The following MELK variants were observed in gnomAD, a reference collection of about 807,000 sequenced individuals.
MELK encodes the protein pEg3 kinase.
In MELK, 81 loss-of-function variants were observed where a neutral mutation model predicts 85.0. The observed-to-expected ratio is 0.95, with a 90% CI of 0.80 to 1.15. The LOEUF is 1.15. Ranked by LOEUF, MELK falls within the 50% of genes most tolerant of loss-of-function variation. The probability of loss-of-function intolerance (pLI) is 0.00; values close to 1 mark genes in which losing one functional copy is unlikely to be tolerated. For missense variants in MELK, 754 were observed against 777.5 expected (o/e 0.97, Z 0.36); for synonymous variants, 252 against 265.0 (o/e 0.95, Z 0.48).
intron 1 of MELK, among the ~76,000 whole-genome samples, chr9:36,575,460 A>G (rs895494484): frequency 2.6e-5 from 4 of 152,230 alleles, no homozygotes; most frequent in Non-Finnish European, 5.9e-5. Context: ...AGGAGTTTGT[A>G]ATGTAAGCAC....
At chr9:36,628,296 T>C (rs1431053037) in intron 8 of MELK, among the ~76,000 whole-genome samples, 1 of 152,194 alleles carries the variant, frequency 6.6e-6, no homozygotes, top group Non-Finnish European at 1.5e-5. Context: ...CTGGGCTCCA[T>C]GCCTATCCCT....
intron 7 of MELK, among the ~76,000 whole-genome samples, chr9:36,604,390 T>C (rs976100014): frequency 6.0e-5 from 9 of 149,136 alleles, no homozygotes; most frequent in Admixed American, 2.0e-4. Flanking sequence ...GCGATTCTCA[T>C]TGGGTTCAGG....
chr9:36,615,417 G>GACGGC (rs1426755694), intron 8 of MELK, among the ~76,000 whole-genome samples: 1 of 139,500 alleles, frequency 7.2e-6, no homozygotes, highest in Non-Finnish European at 1.5e-5. Flanking sequence ...CTCCCTCCCG[G>GACGGC]ACGGCACGGC....
chr9:36,644,991 G>A (rs1222264426), intron 11 of MELK, among the ~76,000 whole-genome samples: 3 of 152,074 alleles, frequency 2.0e-5, no homozygotes, highest in African/African-American at 4.8e-5. Flanking sequence ...TACTTAAGCC[G>A]GGCGCGGTGG....
intron 5 of MELK, 72 bp downstream of exon 5, chr9:36,594,843 A>G: frequency 2.0e-6 from 3 of 1,509,008 alleles, no homozygotes; most frequent in Non-Finnish European, 2.7e-6. Context: ...TTTACAAATG[A>G]TCTGATTAGG....
At chr9:36,617,378 G>A (rs978796899) in intron 8 of MELK, among the ~76,000 whole-genome samples, 1 of 151,470 alleles carries the variant, frequency 6.6e-6, no homozygotes, top group Non-Finnish European at 1.5e-5. Context: ...TGTCACCCAG[G>A]CTGGAGTGCA....
intron 13 of MELK, among the ~76,000 whole-genome samples, chr9:36,663,798 C>G (rs1263802945): frequency 6.6e-6 from 1 of 152,160 alleles, no homozygotes. Flanking sequence ...TGTTGATGGA[C>G]ACTTGGGTTG....
chr9:36,669,418 GT>G lies in MELK; in HGVS notation c.1505+19del. 2.6e-6 allele frequency: 4 copies of G among 1,559,692 alleles called. No individual in the cohort carries two copies. Among genetic ancestry groups the G allele is most frequent in the South Asian group, 1.2e-5 (1 of 84,390 alleles). ...AGCCCTGAGAGGCGGTAAGTGTTTG[GT>G]TTTTTTAGACTCTAATCTTTAGTAT... On this transcript the variant is annotated intron_variant, in intron 15 of 17. Coordinates refer to ENST00000298048, the MANE Select transcript of MELK (RefSeq NM_014791.4).
chr9:36,636,609 C>T (rs1445743210), intron 10 of MELK, among the ~76,000 whole-genome samples: 2 of 152,144 alleles, frequency 1.3e-5, no homozygotes, highest in African/African-American at 2.4e-5. Flanking sequence ...TACCTGGGGT[C>T]GTGGCTACAG....
In MELK at chr9:36,587,186, C is replaced by G. The variant is rs1325339193; in HGVS notation, c.145-2350C>G. Among the ~76,000 whole-genome samples the G allele has an allele frequency of 2.0e-5, 3 of 151,716 alleles. No individual in the cohort carries two copies. In the East Asian group the frequency reaches 5.8e-4, roughly 29 times the overall value. ...GGTTTTAGTCATCAGGCTTCCTCCC[C>G]ACAAAGAAAGAAGATTATCATACCA... On this transcript the variant is annotated intron_variant, in intron 3 of 17. Coordinates refer to ENST00000298048, the MANE Select transcript of MELK (RefSeq NM_014791.4).
intron 13 of MELK, among the ~76,000 whole-genome samples, chr9:36,658,673 C>T (rs989817159): frequency 6.6e-6 from 1 of 151,642 alleles, no homozygotes; most frequent in African/African-American, 2.4e-5. Context: ...TTGTTTTTCT[C>T]GTGTATATGG....
intron 11 of MELK, among the ~76,000 whole-genome samples, chr9:36,644,645 C>A (rs1489460172): frequency 6.6e-6 from 1 of 152,084 alleles, no homozygotes; most frequent in African/African-American, 2.4e-5. Context: ...TCCATTTAAG[C>A]AACCTGAAAA....
intron 13 of MELK, among the ~76,000 whole-genome samples, chr9:36,662,329 T>C (rs1281147132): frequency 3.0e-4 from 45 of 151,878 alleles, no homozygotes; most frequent in African/African-American, 1.0e-3. Flanking sequence ...CTGCAACCTC[T>C]TCCTCCTGGG....
chr9:36,620,388 G>A (rs530061555), intron 8 of MELK, among the ~76,000 whole-genome samples: 19 of 152,192 alleles, frequency 1.2e-4, no homozygotes, highest in Admixed American at 3.3e-4. Context: ...GTGTCACCCC[G>A]CAAGGATACT....
chr9:36,583,295 A>G (rs1054513832), intron 2 of MELK, among the ~76,000 whole-genome samples: 1 of 152,052 alleles, frequency 6.6e-6, no homozygotes, highest in Non-Finnish European at 1.5e-5. Context: ...AACTGAGTGG[A>G]AGTTTCATAT....
intron 8 of MELK, among the ~76,000 whole-genome samples, chr9:36,626,138 T>C (rs1827905389): frequency 6.6e-6 from 1 of 152,092 alleles, no homozygotes; most frequent in Admixed American, 6.6e-5. Flanking sequence ...CACTAAAAGC[T>C]GATTGAGCCA....
chr9:36,605,452 G>A (rs1706336704), intron 7 of MELK, among the ~76,000 whole-genome samples: 1 of 151,910 alleles, frequency 6.6e-6, no homozygotes, highest in African/African-American at 2.4e-5. Context: ...CAGGTGGGAG[G>A]TGGCTGGTTT....
intron 11 of MELK, among the ~76,000 whole-genome samples, chr9:36,649,630 G>A (rs915656227): frequency 3.0e-4 from 45 of 152,216 alleles, no homozygotes; most frequent in Admixed American, 7.2e-4. Context: ...TTAGCCAGGC[G>A]TGGTGGCATG....
rs548694164 is a variant in MELK, at chr9:36,605,026, A to G, written c.568-2549A>G. ...TGCAATGGCCTCCTGAGTAGCTGGA[A>G]TTACAGACATGCACCACCACACCTG... On this transcript the variant is annotated intron_variant, in intron 7 of 17. Transcript: ENST00000298048. 9.3e-5 allele frequency among the ~76,000 whole-genome samples: 14 copies of G among 150,942 alleles called. No individual in the cohort carries two copies. In the South Asian group the frequency reaches 2.9e-3, roughly 32 times the overall value.
Sources: allele counts gnomAD v4.1 joint callset (sites outside exome capture counted in the v4.1 genomes callset), GRCh38; gene constraint gnomAD v4.1.1; transcripts MANE v1.5; gene names NCBI Gene and HGNC (gene_info 2026-07-23, HGNC 2026-07-21).